Variants in C2CD3 observed in about 807,000 individuals in gnomAD.
C2CD3 encodes C2 domain-containing protein 3.
In C2CD3, 148 loss-of-function variants were observed where a neutral mutation model predicts 234.0. The observed-to-expected ratio is 0.63, with a 90% confidence interval of 0.55 to 0.72. The LOEUF (loss-of-function observed/expected upper bound fraction) is 0.72. C2CD3 is among the 30% of genes least tolerant of loss of function. C2CD3 has a pLI of 0.00. For synonymous variants in C2CD3, 1,000 were observed against 1,035.4 expected (o/e 0.97, Z 0.66); for missense variants, 2,577 against 2,811.5 (o/e 0.92, Z 1.89).
intron 3 of C2CD3, among the ~76,000 whole-genome samples, chr11:74,157,328 C>T (rs560265865): frequency 1.6e-4 from 24 of 152,006 alleles, no homozygotes; most frequent in Non-Finnish European, 2.8e-4. Flanking sequence ...ATGAGGTAAA[C>T]GATATACAGT....
chr11:74,021,594 T>TA (rs1289471828), intron 32 of C2CD3, among the ~76,000 whole-genome samples: 4 of 152,040 alleles, frequency 2.6e-5, no homozygotes. Flanking sequence ...GCCTTAGAAA[T>TA]AAGTGAAGAA....
At chr11:74,151,734 A>G (rs1333140993) in intron 3 of C2CD3, among the ~76,000 whole-genome samples, 1 of 152,214 alleles carries the variant, frequency 6.6e-6, no homozygotes. Flanking sequence ...ATGCCCTATA[A>G]CCACAGAGCA....
intron 20 of C2CD3, among the ~76,000 whole-genome samples, chr11:74,089,992 G>A (rs1349904818): frequency 6.6e-6 from 1 of 152,174 alleles, no homozygotes; most frequent in African/African-American, 2.4e-5. Flanking sequence ...GTAAGGGAAA[G>A]GGCTGTGCTG....
intron 3 of C2CD3, among the ~76,000 whole-genome samples, chr11:74,148,674 T>C (rs1016931454): frequency 1.3e-5 from 2 of 152,170 alleles, no homozygotes; most frequent in Non-Finnish European, 2.9e-5. Context: ...TAATGAACTA[T>C]ATCTGCCTTC....
intron 24 of C2CD3, among the ~76,000 whole-genome samples, chr11:74,071,614 A>G (rs752266801): frequency 2.0e-5 from 3 of 152,224 alleles, no homozygotes; most frequent in Non-Finnish European, 4.4e-5. Flanking sequence ...CGTGGCAAGG[A>G]TTAAAGGGGA....
At chr11:74,068,383 G>C (rs1390787974) in intron 24 of C2CD3, among the ~76,000 whole-genome samples, 1 of 152,168 alleles carries the variant, frequency 6.6e-6, no homozygotes, top group Non-Finnish European at 1.5e-5. Context: ...TCCCTCACTA[G>C]ACTGAGAGCT....
intron 2 of C2CD3, among the ~76,000 whole-genome samples, chr11:74,162,868 A>G (rs1160785095): frequency 6.6e-6 from 1 of 152,144 alleles, no homozygotes; most frequent in African/African-American, 2.4e-5. Flanking sequence ...CACAGCTGCA[A>G]GGGTTGGTCC....
At chr11:74,051,931 A>G (rs1430953192) in intron 26 of C2CD3, among the ~76,000 whole-genome samples, 1 of 152,160 alleles carries the variant, frequency 6.6e-6, no homozygotes, top group Non-Finnish European at 1.5e-5. Flanking sequence ...AGTACTTGCT[A>G]TACTAGATGT....
rs11236010 is a variant in C2CD3 at position 74,129,612 on chromosome 11, A to G, written c.1217+3232T>C. 3.8e-4 allele frequency: 53 copies of G among 138,228 alleles called. 3 individuals carry two copies. The Middle Eastern group carries it at 0.018, about 47-fold the overall frequency. 8.6% of individuals were successfully genotyped at this position (138,228 alleles called of 1,614,324 possible). On this transcript the variant is annotated intron_variant, in intron 7 of 32. Coordinates refer to ENST00000334126, the MANE Select transcript of C2CD3 (RefSeq NM_001286577.2). ...CAGACTGGGCAGCCAGGCAGAGGGG[A>G]TCCTCACATCCCAGACGATGGGCGG... is the stretch of plus-strand genomic sequence containing the variant.
intron 9 of C2CD3, among the ~76,000 whole-genome samples, chr11:74,117,075 A>T (rs1565313351): frequency 3.5e-4 from 8 of 23,026 alleles, no homozygotes; most frequent in Non-Finnish European, 5.2e-4. Flanking sequence ...TATATATATG[A>T]ATATATATAT....
rs1953914464 is a variant in C2CD3, at chr11:74,055,558, T to G, written c.5091-887A>C. ...ACCAATGAGCGGCACGGTGCTAAAG[T>G]GAAACAAATATTGGTCAGAGATTCT... On this transcript the variant is annotated intron_variant, in intron 25 of 32. Coordinates refer to ENST00000334126, the MANE Select transcript of C2CD3 (RefSeq NM_001286577.2). 2.6e-5 allele frequency among the ~76,000 whole-genome samples: 4 copies of G among 152,116 alleles called. No homozygotes were observed. In the South Asian group the frequency reaches 8.3e-4, roughly 32 times the overall value.
At chr11:74,170,013 T>G (rs1236690702) in intron 1 of C2CD3, among the ~76,000 whole-genome samples, 1 of 152,160 alleles carries the variant, frequency 6.6e-6, no homozygotes, top group African/African-American at 2.4e-5. Flanking sequence ...AATGTCAAGT[T>G]TCCTGATCTG....
At chr11:74,109,919 C>CA (rs200487558) in intron 11 of C2CD3, among the ~76,000 whole-genome samples, 1,808 of 145,562 alleles carry the variant, frequency 0.012, 38 homozygotes, top group African/African-American at 0.045. Context: ...AAAAATACAA[C>CA]AACAAAAAAA....
chr11:74,133,780 T>G (rs1957761226), intron 5 of C2CD3: 1 of 554,826 alleles, frequency 1.8e-6, no homozygotes, highest in East Asian at 2.9e-5. Context: ...ATTGTAACAA[T>G]GAATGAAGTC....
At chr11:74,170,005 T>C (rs1857060088) in intron 1 of C2CD3, among the ~76,000 whole-genome samples, 1 of 152,184 alleles carries the variant, frequency 6.6e-6, no homozygotes, top group Non-Finnish European at 1.5e-5. Context: ...AGAGATTCAA[T>C]GTCAAGTTTC....
intron 13 of C2CD3, 99 bp from the exon 14 acceptor site, chr11:74,103,724 T>G (rs1956408688): frequency 1.0e-6 from 1 of 958,890 alleles, no homozygotes. Context: ...AGGAAATGAA[T>G]TAACTCATCC....
At position 74,089,865 on chromosome 11, in the gene C2CD3, T is replaced by TA. The variant is rs1955808467; in HGVS notation, c.3641+947dup. Among the ~76,000 whole-genome samples, 10 of 152,116 alleles carry TA rather than the reference T, an allele frequency of 6.6e-5. No individual in the cohort carries two copies. In the South Asian group the frequency reaches 2.1e-3, roughly 32 times the overall value. On this transcript the variant is annotated intron_variant, in intron 20 of 32. Coordinates refer to ENST00000334126, the MANE Select transcript of C2CD3 (RefSeq NM_001286577.2). ...AACTCTGCCTACACGTACAAAGAAATAAAGAGAGACTGTAAAGATGTTGCA... is the reference window on the plus strand; with the variant it reads ...AACTCTGCCTACACGTACAAAGAAATAAAAGAGAGACTGTAAAGATGTTGCA...
intron 7 of C2CD3, among the ~76,000 whole-genome samples, chr11:74,124,287 A>G (rs938198000): frequency 2.0e-5 from 3 of 152,146 alleles, no homozygotes; most frequent in African/African-American, 7.2e-5. Flanking sequence ...ATTTCTCAAG[A>G]AAATAGTATA....
intron 20 of C2CD3, among the ~76,000 whole-genome samples, chr11:74,090,383 C>T (rs1354430403): frequency 3.9e-5 from 6 of 152,120 alleles, no homozygotes; most frequent in East Asian, 3.9e-4. Flanking sequence ...CTAGCCTGGG[C>T]GACAAAGCTA....
Sources: gnomAD v4.1 joint callset for allele counts (sites outside exome capture counted in the v4.1 genomes callset) on GRCh38, gnomAD v4.1.1 for gene constraint, MANE v1.5 for transcripts, NCBI Gene and HGNC (gene_info 2026-07-23, HGNC 2026-07-21) for gene names.